Variants in PSG8 observed in about 807,000 individuals in gnomAD.
PSG8 encodes pregnancy specific beta-1-glycoprotein 8.
PSG8 carries 57 observed loss-of-function variants against 42.5 expected under a neutral mutation model. The ratio of observed to expected loss-of-function variants is 1.34; its 90% CI spans 1.08 to 1.67. PSG8 has a LOEUF of 1.67. Ranked by LOEUF, PSG8 falls within the 40% of genes most tolerant of loss-of-function variation. The pLI, the probability that PSG8 is intolerant of heterozygous loss-of-function variation, is 0.00. For missense variants in PSG8, 783 were observed against 518.6 expected (o/e 1.51, Z -4.95); for synonymous variants, 280 against 196.8 (o/e 1.42, Z -3.54).
intron 2 of PSG8, among the ~76,000 whole-genome samples, chr19:42,761,815 C>A (rs1192498059): frequency 5.1e-4 from 64 of 125,154 alleles, no homozygotes; most frequent in South Asian, 3.1e-3. Context: ...ACCAACATTT[C>A]AATAATTTTT....
intron 3 of PSG8, among the ~76,000 whole-genome samples, chr19:42,757,229 G>C (rs913704382): frequency 3.3e-5 from 5 of 152,006 alleles, no homozygotes; most frequent in African/African-American, 4.8e-5. Flanking sequence ...CATATTCCCT[G>C]TCCTGGGTTT....
intron 1 of PSG8, among the ~76,000 whole-genome samples, chr19:42,764,751 C>A (rs546468399): frequency 1.3e-5 from 2 of 152,226 alleles, no homozygotes; most frequent in African/African-American, 4.8e-5. Flanking sequence ...TGTCTGTCTT[C>A]CCCTCCATGA....
chr19:42,765,388 A>T, intron 1 of PSG8, 130 bp downstream of exon 1: 3 of 1,423,434 alleles, frequency 2.1e-6, no homozygotes, highest in Non-Finnish European at 2.9e-6. Flanking sequence ...TCCTGATCTC[A>T]TGATCCACCT....
Position 42,764,138 on chromosome 19 carries a change from C to T in PSG8, c.208G>A (p.Gly70Arg), listed in dbSNP as rs758194763. ...TAATGGTAGAGGTCCCTGATTTGCC[C>T]TTTGTACCAGATGTAGCCAGTAAGA... ...QNLTGYIWYK[G>R]QIRDLYHYIT... The change falls in exon 2 of 5, where the codon GGG becomes AGG. Residue 70 changes from glycine (G) to arginine (R), a missense_variant. By Grantham distance (125) the Gly-to-Arg change is moderately radical (BLOSUM62 -2). Transcript: ENST00000306511. The T allele has an allele frequency of 1.2e-6, 2 of 1,613,870 alleles. No individual in the cohort carries two copies. Among genetic ancestry groups the T allele is most frequent in the Non-Finnish European group, 1.7e-6 (2 of 1,179,896 alleles).
chr19:42,755,938 A>T (rs1969913961), intron 3 of PSG8: 1 of 154,380 alleles, frequency 6.5e-6, no homozygotes, highest in South Asian at 2.0e-4. Context: ...GGAATGATCT[A>T]GAAAGAGTGA....
In PSG8 at chr19:42,763,967, C is replaced by G. The variant is rs148091598; in HGVS notation, c.379G>C (p.Gly127Arg). 884 of 1,613,064 alleles carry G rather than the reference C, an allele frequency of 5.5e-4. 3 individuals carry two copies. The highest frequency in any genetic ancestry group is 6.2e-4 in the Non-Finnish European group (732 of 1,179,744). The change falls in exon 2 of 5, where the codon GGA (glycine) becomes CGA (arginine). Residue 127 changes from glycine (G) to arginine (R), a missense_variant. Gly to Arg is a moderately radical substitution (Grantham distance 125). Transcript: ENST00000306511. ...AGSYTLHIIM[G>R]GDENRGVTGH... Reference sequence around the variant, plus strand: ...GTTACTCCTCTATTCTCATCACCTCCCATTATGATGTGTAAGGTGTAGGAT... The same window carrying G: ...GTTACTCCTCTATTCTCATCACCTCGCATTATGATGTGTAAGGTGTAGGAT...
chr19:42,756,312 G>A (rs1969924994), intron 3 of PSG8, among the ~76,000 whole-genome samples: 1 of 152,214 alleles, frequency 6.6e-6, no homozygotes, highest in Admixed American at 6.5e-5. Context: ...GGAGCTGGGA[G>A]TGGGGAGAAT....
chr19:42,759,490 T>G (rs1438665966), intron 2 of PSG8, among the ~76,000 whole-genome samples: 2 of 152,216 alleles, frequency 1.3e-5, no homozygotes, highest in Non-Finnish European at 2.9e-5. Context: ...TTTTTTTGTT[T>G]TGGAATATTT....
intron 2 of PSG8, among the ~76,000 whole-genome samples, chr19:42,760,067 G>A (rs1356475066): frequency 6.6e-6 from 1 of 152,184 alleles, no homozygotes; most frequent in Non-Finnish European, 1.5e-5. Context: ...TCTGTGCAGA[G>A]TTAGGAAAAA....
At chr19:42,753,079 A>G, downstream of PSG8, 2 of 609,044 alleles carry the variant, frequency 3.3e-6, no homozygotes, top group Non-Finnish European at 2.9e-6. Context: ...AAGAGGGGTG[A>G]GAGCCTCATC....
intron 1 of PSG8, 113 bp downstream of exon 1, chr19:42,765,405 G>A: frequency 6.6e-7 from 1 of 1,508,616 alleles, no homozygotes; most frequent in African/African-American, 1.4e-5. Context: ...ACCTGCCTCA[G>A]CCTCCCAAAG....
Position 42,764,225 on chromosome 19 carries a change from G to T in PSG8, c.121C>A (p.Gln41Lys), listed in dbSNP as rs150588080. Reference sequence around the variant, plus strand: ...TTCCCCTCAGAAACTTTGGTTGGCTGGGCTTCAATCGTGACTTGGGCAGTC... The same window carrying T: ...TTCCCCTCAGAAACTTTGGTTGGCTTGGCTTCAATCGTGACTTGGGCAGTC... ...PTTAQVTIEA[Q>K]PTKVSEGKDV... is the part of the protein sequence containing the mutation. The change falls in exon 2 of 5, where the codon CAG becomes AAG. Residue 41 changes from glutamine (Q) to lysine (K), a missense_variant. Coordinates refer to ENST00000306511, the MANE Select transcript of PSG8 (RefSeq NM_182707.3). 6.2e-7 allele frequency: 1 copy of T among 1,613,760 alleles called. No individual in the cohort carries two copies. Among genetic ancestry groups the T allele is most frequent in the Non-Finnish European group, 8.5e-7 (1 of 1,179,836 alleles).
chr19:42,755,519 A>T (rs1969902453), intron 3 of PSG8: 8 of 807,024 alleles, frequency 9.9e-6, no homozygotes, highest in Non-Finnish European at 1.5e-5. Context: ...TCATGGACAG[A>T]CACGTCAGTG....
At chr19:42,761,931 C>A (rs889012213) in intron 2 of PSG8, among the ~76,000 whole-genome samples, 1 of 134,742 alleles carries the variant, frequency 7.4e-6, no homozygotes, top group African/African-American at 2.8e-5. Flanking sequence ...TTGTCTTGTC[C>A]ACAGGTCAGC....
chr19:42,754,707 C>A (rs1330222395), intron 4 of PSG8, 120 bp from the exon 5 acceptor site: 9 of 1,337,976 alleles, frequency 6.7e-6, no homozygotes, highest in African/African-American at 1.5e-5. Flanking sequence ...CCAGCCCAAC[C>A]CCCTCTATGT....
intron 2 of PSG8, chr19:42,758,605 G>T (rs1223423977): frequency 9.5e-6 from 4 of 419,024 alleles, no homozygotes; most frequent in African/African-American, 2.0e-5. Flanking sequence ...GGCCCACCTT[G>T]TGGTCCTCAC....
At chr19:42,752,821 T>A (rs1969815309), downstream of PSG8, 1 of 193,518 alleles carries the variant, frequency 5.2e-6, no homozygotes. Flanking sequence ...TAATTTCAGC[T>A]TTCCTACCTC....
At chr19:42,762,243 G>A (rs62112126) in intron 2 of PSG8, among the ~76,000 whole-genome samples, 9 of 151,126 alleles carry the variant, frequency 6.0e-5, no homozygotes, top group East Asian at 5.8e-4. Context: ...AGCAGAGAGA[G>A]GCAGAGACAC....
downstream of PSG8, chr19:42,753,035 C>T (rs1969820352): frequency 1.8e-6 from 1 of 563,240 alleles, no homozygotes; most frequent in Non-Finnish European, 3.2e-6. Flanking sequence ...ATTATCCTGC[C>T]AAGTGAAAGA....
Sources: allele counts gnomAD v4.1 joint callset (sites outside exome capture counted in the v4.1 genomes callset), GRCh38; gene constraint gnomAD v4.1.1; transcripts MANE v1.5; gene names NCBI Gene and HGNC (gene_info 2026-07-23, HGNC 2026-07-21).